The following ALDH5A1 variants were observed in gnomAD, a reference collection of about 807,000 sequenced individuals.
ALDH5A1 encodes the protein aldehyde dehydrogenase 5 family member A1.
In ALDH5A1, 33 loss-of-function variants were observed where a neutral mutation model predicts 54.7. That is an observed-to-expected ratio of 0.60 (90% CI 0.46 to 0.81). ALDH5A1 has a LOEUF of 0.81. Among genes scored for constraint, ALDH5A1 ranks in the 30% least tolerant of loss-of-function variants. The probability of loss-of-function intolerance (pLI) is 0.00; values close to 1 mark genes in which losing one functional copy is unlikely to be tolerated. For missense variants in ALDH5A1, 657 were observed against 711.0 expected, an observed-to-expected ratio of 0.92 and a Z score of 0.86; for synonymous variants, 294 against 292.7, an observed-to-expected ratio of 1.00 and a Z score of -0.05.
At chr6:24,504,369 G>C (rs1348339884) in intron 3 of ALDH5A1, among the ~76,000 whole-genome samples, 1 of 152,190 alleles carries the variant, frequency 6.6e-6, no homozygotes, top group Non-Finnish European at 1.5e-5. Context: ...GTATGTGGAA[G>C]GAATAATAAA....
At chr6:24,533,413 TG>T in intron 9 of ALDH5A1, 93 bp from the exon 10 acceptor site, 1 of 1,366,566 alleles carries the variant, frequency 7.3e-7, no homozygotes, top group Non-Finnish European at 1.0e-6. Context: ...CCCAAGTGGC[TG>T]GACAAAAAGT....
chr6:24,525,812 A>G (rs979644788), intron 7 of ALDH5A1, among the ~76,000 whole-genome samples: 1 of 152,150 alleles, frequency 6.6e-6, no homozygotes, highest in Non-Finnish European at 1.5e-5. Context: ...TACAGAAAGT[A>G]GGAATAGGAG....
At chr6:24,532,568 T>C (rs1759957510) in intron 9 of ALDH5A1, among the ~76,000 whole-genome samples, 1 of 151,974 alleles carries the variant, frequency 6.6e-6, no homozygotes, top group Non-Finnish European at 1.5e-5. Flanking sequence ...CAGCAAGGAG[T>C]GTCAGGGACA....
Position 24,495,213 on chromosome 6 carries a change from G to A in ALDH5A1, c.217G>A (p.Ala73Thr), listed in dbSNP as rs1480831485. 6.6e-7 allele frequency: 1 copy of A among 1,507,950 alleles called. No homozygotes were observed. The highest frequency in any genetic ancestry group is 2.1e-5 in the Admixed American group (1 of 48,346). 93.4% of individuals were successfully genotyped at this position (1,507,950 alleles called of 1,614,324 possible). The change falls in exon 1 of 10, where the codon GCC (alanine) becomes ACC (threonine). Residue 73 changes from alanine (A) to threonine (T), a missense_variant. By Grantham distance (58) the Ala-to-Thr change is moderately conservative (BLOSUM62 0). Around this residue, in one of 2 missense-constraint regions of ALDH5A1, gnomAD observed 232 missense variants for 194.6 expected, o/e 1.19. Coordinates refer to ENST00000357578, the MANE Select transcript of ALDH5A1 (RefSeq NM_001080.3). ...CGTGGGCGGCCGCTGGCTCCCGGCC[G>A]CCGCCACCTTCCCCGTGCAAGACCC... is the stretch of plus-strand genomic sequence containing the variant. ...SFVGGRWLPA[A>T]ATFPVQDPAS... is the part of the protein sequence containing the mutation.
intron 1 of ALDH5A1, among the ~76,000 whole-genome samples, chr6:24,498,090 G>A (rs564193012): frequency 6.6e-6 from 1 of 152,152 alleles, no homozygotes; most frequent in African/African-American, 2.4e-5. Context: ...TGAAGGAGAG[G>A]GGTTAGTGAT....
chr6:24,506,465 C>T (rs1212044839), intron 4 of ALDH5A1, among the ~76,000 whole-genome samples: 1 of 151,698 alleles, frequency 6.6e-6, no homozygotes, highest in East Asian at 1.9e-4. Flanking sequence ...CTTGGCCAGA[C>T]TGGTCTTGAA....
At chr6:24,529,679 T>TG (rs1759891540) in intron 8 of ALDH5A1, among the ~76,000 whole-genome samples, 1 of 140,660 alleles carries the variant, frequency 7.1e-6, no homozygotes, top group African/African-American at 2.6e-5. Context: ...GGTTTTTTTT[T>TG]TTTTTTTTTT....
intron 1 of ALDH5A1, among the ~76,000 whole-genome samples, chr6:24,499,958 C>T (rs1764788940): frequency 6.7e-6 from 1 of 149,424 alleles, no homozygotes; most frequent in African/African-American, 2.5e-5. Context: ...TGCGCCCAGC[C>T]CCACACTCAG....
intron 8 of ALDH5A1, 36 bp from the exon 9 acceptor site, chr6:24,532,083 C>T (rs1327148794): frequency 5.0e-6 from 8 of 1,599,616 alleles, no homozygotes; most frequent in Non-Finnish European, 6.0e-6. Context: ...TTCCTCTCCC[C>T]CTTACATTTT....
intron 4 of ALDH5A1, among the ~76,000 whole-genome samples, chr6:24,513,583 A>T (rs1218180629): frequency 6.6e-6 from 1 of 151,144 alleles, no homozygotes; most frequent in Non-Finnish European, 1.5e-5. Flanking sequence ...TGTTTTTATC[A>T]GGGCCTCCTC....
intron 4 of ALDH5A1, chr6:24,511,792 G>A: frequency 2.3e-6 from 1 of 432,360 alleles, no homozygotes; most frequent in Admixed American, 4.0e-5. Context: ...TTGCCTCCCT[G>A]ATTAGCTTAA....
intron 8 of ALDH5A1, among the ~76,000 whole-genome samples, chr6:24,529,996 A>C (rs1759897859): frequency 6.6e-6 from 1 of 152,200 alleles, no homozygotes; most frequent in Non-Finnish European, 1.5e-5. Context: ...AGGTTTGTTT[A>C]GTCCTGGAAA....
intron 4 of ALDH5A1, among the ~76,000 whole-genome samples, chr6:24,512,202 C>T (rs969586247): frequency 6.6e-6 from 1 of 152,180 alleles, no homozygotes; most frequent in Non-Finnish European, 1.5e-5. Context: ...GTCTCTCAGC[C>T]GTAGATACCA....
chr6:24,509,363 T>C lies in ALDH5A1; in HGVS notation c.726+4378T>C, dbSNP rs530998038. On this transcript the variant is annotated intron_variant, in intron 4 of 9. Coordinates refer to ENST00000357578, the MANE Select transcript of ALDH5A1 (RefSeq NM_001080.3). The surrounding 1 kb of genome is among the most constrained non-coding windows in gnomAD (Gnocchi z 4.7). ...TGCCAATTATCCCAGCACCATTTGT[T>C]GAGGGAGGATTCCCTCTTTCTCTAT... is the stretch of plus-strand genomic sequence containing the variant. Among the ~76,000 whole-genome samples, 21 of 152,366 alleles carry C rather than the reference T, an allele frequency of 1.4e-4. No individual in the cohort carries two copies. Among genetic ancestry groups the C allele is most frequent in the Admixed American group, 8.5e-4 (13 of 15,306 alleles).
intron 5 of ALDH5A1, among the ~76,000 whole-genome samples, chr6:24,515,736 T>C (rs1292708584): frequency 1.3e-5 from 2 of 152,124 alleles, no homozygotes; most frequent in Non-Finnish European, 2.9e-5. Flanking sequence ...AAAGGTCTGT[T>C]GGTTGAATAA....
At position 24,495,272 on chromosome 6, in the gene ALDH5A1, C is replaced by T. The variant is rs1351340886; in HGVS notation, c.276C>T (p.Asp92=). The T allele has an allele frequency of 3.9e-6, 6 of 1,532,858 alleles. No individual in the cohort carries two copies. The highest frequency in any genetic ancestry group is 5.2e-6 in the Non-Finnish European group (6 of 1,146,270). 95.0% of individuals were successfully genotyped at this position (1,532,858 alleles called of 1,614,324 possible). The change falls in exon 1 of 10, where the codon GAC becomes GAT. Residue 92 remains aspartate, a synonymous_variant. Transcript: ENST00000357578. Reference sequence around the variant, plus strand: ...GCGCCGCTCTGGGCATGGTAGCCGACTGCGGGGTGCGAGAGGCCCGCGCCG... The same window carrying T: ...GCGCCGCTCTGGGCATGGTAGCCGATTGCGGGGTGCGAGAGGCCCGCGCCG... ...ASGAALGMVA[D]CGVREARAAV... is the part of the protein sequence containing the mutation.
At chr6:24,530,357 C>G (rs1759910994) in intron 8 of ALDH5A1, among the ~76,000 whole-genome samples, 2 of 151,878 alleles carry the variant, frequency 1.3e-5, no homozygotes, top group Non-Finnish European at 2.9e-5. Context: ...GCTATTTTTC[C>G]TTTTTAAAAA....
chr6:24,522,195 A>C (rs1226848567), intron 6 of ALDH5A1, among the ~76,000 whole-genome samples: 3 of 152,100 alleles, frequency 2.0e-5, no homozygotes, highest in Non-Finnish European at 4.4e-5. Flanking sequence ...CTATAGTCCC[A>C]CCTACTTGGG....
At chr6:24,531,678 A>T (rs1759939010) in intron 8 of ALDH5A1, among the ~76,000 whole-genome samples, 1 of 152,238 alleles carries the variant, frequency 6.6e-6, no homozygotes, top group African/African-American at 2.4e-5. Context: ...GCATCGTGCC[A>T]TTGTTAAGCA....
Sources: gnomAD v4.1 joint callset for allele counts (sites outside exome capture counted in the v4.1 genomes callset) on GRCh38, gnomAD v4.1.1 for gene constraint, gnomAD v4.1.1 regional missense constraint, Gnocchi (gnomAD v3.1) non-coding constraint, MANE v1.5 for transcripts, NCBI Gene and HGNC (gene_info 2026-07-23, HGNC 2026-07-21) for gene names.